BCL6: variants seen among roughly 807,000 people sequenced by gnomAD.
The protein encoded by BCL6 is BCL6 transcription repressor.
BCL6 carries 7 observed loss-of-function variants against 59.5 expected under a neutral mutation model. The observed-to-expected ratio is 0.12, with a 90% CI of 0.07 to 0.22. The LOEUF (loss-of-function observed/expected upper bound fraction) is 0.22, where lower values mean the gene tolerates loss of function less well. BCL6 is among the 10% of genes least tolerant of loss of function. The pLI, the probability that BCL6 is intolerant of heterozygous loss-of-function variation, is 1.00. For missense variants in BCL6, 685 were observed against 939.4 expected, an observed-to-expected ratio of 0.73 and a Z score of 3.54; for synonymous variants, 339 against 349.7, an observed-to-expected ratio of 0.97 and a Z score of 0.34.
At chr3:187,726,670 C>G (rs1718712288) in intron 7 of BCL6, 61 bp downstream of exon 7, 1 of 1,579,670 alleles carries the variant, frequency 6.3e-7, no homozygotes, top group Non-Finnish European at 8.6e-7. Flanking sequence ...TCTCTAGGAT[C>G]CTCTCCCTGT....
chr3:187,722,309 G>GGCCCCCCCCC lies in BCL6; in HGVS notation c.*148_*149insGGGGGGGGGC. ...TGCGGCTCCCAGTCCCCCAGGCCCC[G>GGCCCCCCCCC]ACCCCCACCACCCCCAACCCCCAGC... On this transcript the variant is annotated 3_prime_UTR_variant, in exon 10 of 10. Transcript: ENST00000406870. 1 of 68,666 alleles carries GGCCCCCCCCC rather than the reference G, an allele frequency of 1.5e-5. No homozygotes were observed. The allele number at this position is 68,666 out of a possible 1,614,324, so 4.3% of individuals were successfully genotyped here.
intron 1 of BCL6, among the ~76,000 whole-genome samples, chr3:187,743,994 G>T (rs567917029): frequency 6.6e-6 from 1 of 152,250 alleles, no homozygotes. Flanking sequence ...CCTGAGTCTT[G>T]CACATAAGGA....
At chr3:187,735,158 T>TATAC (rs566709884) in intron 1 of BCL6, among the ~76,000 whole-genome samples, 96 of 152,328 alleles carry the variant, frequency 6.3e-4, no homozygotes, top group African/African-American at 1.9e-3. Flanking sequence ...ATTAATTAGT[T>TATAC]ATACATACAT....
chr3:187,729,527 T>C lies in BCL6; in HGVS notation c.878A>G (p.Tyr293Cys). 1.2e-6 allele frequency: 2 copies of C among 1,613,660 alleles called. No individual in the cohort carries two copies. The highest frequency in any genetic ancestry group is 1.7e-6 in the Non-Finnish European group (2 of 1,179,904). The change falls in exon 5 of 10, where the codon TAC becomes TGC. Residue 293 changes from tyrosine (Y) to cysteine (C), a missense_variant. Physicochemically the swap from Tyr to Cys is radical, Grantham distance 194. Coordinates refer to ENST00000406870, the MANE Select transcript of BCL6 (RefSeq NM_001706.5). The surrounding 1 kb of genome is among the most constrained non-coding windows in gnomAD (Gnocchi z 5.6). ...TTTGCTGGCCTTGTCACAAGGGAAG[T>C]AGGGGGCATTTCGGGCTGAGGGGGC... ...PAAPSARNAP[Y>C]FPCDKASKEE...
chr3:187,731,642 T>C (rs1242555997), intron 4 of BCL6, 67 bp downstream of exon 4: 5 of 1,503,688 alleles, frequency 3.3e-6, no homozygotes, highest in Non-Finnish European at 4.6e-6. Flanking sequence ...ATGCATGAAT[T>C]ATCAAAGGTT....
At chr3:187,728,949 A>G in intron 5 of BCL6, 101 bp downstream of exon 5, 1 of 1,432,344 alleles carries the variant, frequency 7.0e-7, no homozygotes, top group Non-Finnish European at 9.3e-7. Context: ...CTGATTCCAC[A>G]CCTCTAATAG....
chr3:187,741,205 C>T (rs1459849082), intron 1 of BCL6, among the ~76,000 whole-genome samples: 1 of 152,226 alleles, frequency 6.6e-6, no homozygotes, highest in Non-Finnish European at 1.5e-5. Context: ...TTCCGTTCCT[C>T]CCGATGCTCC....
chr3:187,731,946 A>G lies in BCL6; in HGVS notation c.162-16T>C, dbSNP rs1579816688. On this transcript the variant is annotated splice_polypyrimidine_tract_variant and intron_variant, in intron 3 of 9. Transcript: ENST00000406870. ...GAACAGGCCACTGTAAAACAAACAA[A>G]TGTCCCACTATAGTAGACATATCGA... 1 of 1,594,212 alleles carries G rather than the reference A, an allele frequency of 6.3e-7. No individual in the cohort carries two copies. The highest frequency in any genetic ancestry group is 1.3e-5 in the African/African-American group (1 of 74,548).
chr3:187,744,910 G>C (rs1007428331), intron 1 of BCL6, among the ~76,000 whole-genome samples: 1 of 152,052 alleles, frequency 6.6e-6, no homozygotes, highest in Non-Finnish European at 1.5e-5. Context: ...CAGAAAGAGC[G>C]AGAGCGCGAG....
chr3:187,729,888 G>A lies in BCL6; in HGVS notation c.517C>T (p.Pro173Ser). 1 of 1,614,118 alleles carries A rather than the reference G, an allele frequency of 6.2e-7. No homozygotes were observed. Reference protein sequence around the residue: ...VENNLPLRSAPGCESRAFAPS... With the variant: ...VENNLPLRSASGCESRAFAPS... The stretch of plus-strand genomic sequence containing the variant: ...GCAAAGGCTCTGCTCTCACACCCAG[G>A]GGCGCTCCTCAGTGGCAGGTTGTTC... Residue 173 changes from proline to serine, a missense_variant, in exon 5 of 10, where the codon CCT (proline) becomes TCT (serine). Coordinates refer to ENST00000406870, the MANE Select transcript of BCL6 (RefSeq NM_001706.5). The surrounding 1 kb of genome is among the most constrained non-coding windows in gnomAD (Gnocchi z 5.6).
intron 1 of BCL6, among the ~76,000 whole-genome samples, chr3:187,743,677 A>G (rs536717724): frequency 6.6e-6 from 1 of 152,148 alleles, no homozygotes; most frequent in African/African-American, 2.4e-5. Context: ...CAAGACATTT[A>G]CCACGGTCAC....
At chr3:187,744,089 G>A (rs1275340912) in intron 1 of BCL6, among the ~76,000 whole-genome samples, 2 of 152,078 alleles carry the variant, frequency 1.3e-5, no homozygotes, top group African/African-American at 4.8e-5. Flanking sequence ...CTACGCTCAG[G>A]CCCGCAGTTC....
chr3:187,739,862 A>G (rs1207916396), intron 1 of BCL6, among the ~76,000 whole-genome samples: 1 of 152,206 alleles, frequency 6.6e-6, no homozygotes, highest in Non-Finnish European at 1.5e-5. Context: ...CGATCTGGAA[A>G]GAAGTCAGCC....
At chr3:187,738,664 G>A (rs903246751) in intron 1 of BCL6, among the ~76,000 whole-genome samples, 1 of 152,146 alleles carries the variant, frequency 6.6e-6, no homozygotes, top group Admixed American at 6.5e-5. Flanking sequence ...GCTTTCGGGG[G>A]CTAGGGGACA....
chr3:187,722,067 A>C lies in BCL6; in HGVS notation c.*391T>G, dbSNP rs994131158. ...CAACATACTGAAGTCTTGTCTTTTA[A>C]AAGAATGCACATTTACATACAAAAG... On this transcript the variant is annotated 3_prime_UTR_variant, in exon 10 of 10. Transcript: ENST00000406870. 1.7e-5 allele frequency: 4 copies of C among 231,470 alleles called. No homozygotes were observed. Among genetic ancestry groups the C allele is most frequent in the African/African-American group, 8.9e-5 (4 of 45,160 alleles). 14.3% of individuals were successfully genotyped at this position (231,470 alleles called of 1,614,324 possible).
intron 3 of BCL6, chr3:187,732,432 T>A (rs1247207561): frequency 5.4e-6 from 2 of 368,014 alleles, no homozygotes; most frequent in Non-Finnish European, 1.1e-5. Flanking sequence ...ACTGCTTTTA[T>A]CAAAGTCCAT....
rs1718661595 is a variant in BCL6, at chr3:187,725,795, C to T, written c.1709-166G>A. On this transcript the variant is annotated intron_variant, in intron 7 of 9. Transcript: ENST00000406870. This position sits in a 1 kb window ranked among gnomAD's most constrained non-coding sequence, Gnocchi z 4.7. ...AGAATCCAGGGGCCTGCCCCCACAT[C>T]TGTCAGCCCTCTCTCACACACGCAC... Among the ~76,000 whole-genome samples, 1 of 152,224 alleles carries T rather than the reference C, an allele frequency of 6.6e-6. No individual in the cohort carries two copies. The highest frequency in any genetic ancestry group is 1.5e-5 in the Non-Finnish European group (1 of 68,036).
At chr3:187,741,821 G>C (rs1711608755) in intron 1 of BCL6, among the ~76,000 whole-genome samples, 1 of 152,098 alleles carries the variant, frequency 6.6e-6, no homozygotes, top group Non-Finnish European at 1.5e-5. Context: ...AGCATTTCCA[G>C]CCACTATGGT....
At position 187,729,188 on chromosome 3, in the gene BCL6, C is replaced by T. The variant is rs369842677; in HGVS notation, c.1217G>A (p.Arg406Gln). 1.6e-5 allele frequency: 25 copies of T among 1,574,630 alleles called. No homozygotes were observed. The highest frequency in any genetic ancestry group is 6.8e-5 in the African/African-American group (5 of 73,102). Residue 406 changes from arginine (R) to glutamine (Q), a missense_variant, in exon 5 of 10, where the codon CGA becomes CAA. By Grantham distance (43) the Arg-to-Gln change is conservative. Around this residue, in one of 7 missense-constraint regions of BCL6, gnomAD observed 207 missense variants for 213.7 expected, o/e 0.97. Coordinates refer to ENST00000406870, the MANE Select transcript of BCL6 (RefSeq NM_001706.5). The surrounding 1 kb of genome is among the most constrained non-coding windows in gnomAD (Gnocchi z 5.6). ...EQAELGRLSP[R>Q]AYTAPPACQP... ...GCAGGCAGGTGGGGCCGTGTAGGCT[C>T]GTGGGGAAAGGCGGCCCAGCTCAGC...
Sources: allele counts gnomAD v4.1 joint callset (sites outside exome capture counted in the v4.1 genomes callset), GRCh38; gene constraint gnomAD v4.1.1; regional missense constraint gnomAD v4.1.1; non-coding constraint Gnocchi (gnomAD v3.1); transcripts MANE v1.5; gene names NCBI Gene and HGNC (gene_info 2026-07-23, HGNC 2026-07-21).